RBFOX2: variants seen among roughly 807,000 people sequenced by gnomAD.
RBFOX2 encodes the protein RNA binding protein fox-1 homolog 2.
In RBFOX2, 10 loss-of-function variants were observed where a neutral mutation model predicts 49.1. The observed-to-expected ratio is 0.20, with a 90% CI of 0.13 to 0.35. The LOEUF (loss-of-function observed/expected upper bound fraction) is 0.35. Among genes scored for constraint, RBFOX2 ranks in the 10% least tolerant of loss-of-function variants. The pLI, the probability that RBFOX2 is intolerant of heterozygous loss-of-function variation, is 1.00. For synonymous variants in RBFOX2, 183 were observed against 187.4 expected, an observed-to-expected ratio of 0.98 and a Z score of 0.19; for missense variants, 323 against 486.9, an observed-to-expected ratio of 0.66 and a Z score of 3.17.
At chr22:35,987,382 T>G (rs2057768021) in intron 1 of RBFOX2, among the ~76,000 whole-genome samples, 1 of 152,198 alleles carries the variant, frequency 6.6e-6, no homozygotes, top group African/African-American at 2.4e-5. Context: ...AAGCAATTAC[T>G]ACCACAAACA....
intron 1 of RBFOX2, among the ~76,000 whole-genome samples, chr22:35,950,678 T>C (rs1003249829): frequency 2.0e-5 from 3 of 152,042 alleles, no homozygotes; most frequent in African/African-American, 7.2e-5. Context: ...ATTCTGAGAG[T>C]CAAAGTCATG....
chr22:35,854,401 A>G (rs1375035602), intron 1 of RBFOX2, among the ~76,000 whole-genome samples: 3 of 152,122 alleles, frequency 2.0e-5, no homozygotes, highest in Non-Finnish European at 4.4e-5. Context: ...CCTGGTCAAC[A>G]TATTAAGACC....
At chr22:35,985,391 A>C (rs540670892) in intron 1 of RBFOX2, among the ~76,000 whole-genome samples, 1 of 152,284 alleles carries the variant, frequency 6.6e-6, no homozygotes, top group South Asian at 2.1e-4. Context: ...CCAGAGGTAA[A>C]GAGTGAAGTG....
chr22:35,811,159 A>C (rs2148178270), intron 1 of RBFOX2, among the ~76,000 whole-genome samples: 2 of 150,746 alleles, frequency 1.3e-5, no homozygotes, highest in South Asian at 2.2e-4. Flanking sequence ...AAGGCAGAGA[A>C]TTGGGGGTGG....
At chr22:35,902,707 C>T (rs760764949) in intron 1 of RBFOX2, among the ~76,000 whole-genome samples, 5 of 151,694 alleles carry the variant, frequency 3.3e-5, no homozygotes, top group African/African-American at 7.3e-5. Flanking sequence ...TGCAGTGGTG[C>T]GATCATGGCT....
chr22:35,890,207 T>C (rs890716455), intron 1 of RBFOX2, among the ~76,000 whole-genome samples: 1 of 152,038 alleles, frequency 6.6e-6, no homozygotes, highest in Non-Finnish European at 1.5e-5. Context: ...TAACGAAGGG[T>C]GATGAAAACA....
At chr22:35,986,464 G>A (rs1304079236) in intron 1 of RBFOX2, among the ~76,000 whole-genome samples, 1 of 152,174 alleles carries the variant, frequency 6.6e-6, no homozygotes, top group Non-Finnish European at 1.5e-5. Context: ...GGAGGTGGGA[G>A]AAGGAAGAAA....
At chr22:36,004,174 C>T (rs962248029) in intron 1 of RBFOX2, among the ~76,000 whole-genome samples, 1 of 152,120 alleles carries the variant, frequency 6.6e-6, no homozygotes, top group African/African-American at 2.4e-5. Context: ...TGACTTTCTC[C>T]CAATTTGCCC....
intron 1 of RBFOX2, among the ~76,000 whole-genome samples, chr22:35,862,270 T>C (rs1332006965): frequency 6.6e-6 from 1 of 152,102 alleles, no homozygotes; most frequent in Non-Finnish European, 1.5e-5. Flanking sequence ...TAGGTGCAGT[T>C]CATTGTATAT....
chr22:35,829,663 AG>A (rs1956428726), intron 1 of RBFOX2, among the ~76,000 whole-genome samples: 1 of 152,186 alleles, frequency 6.6e-6, no homozygotes, highest in South Asian at 2.1e-4. Context: ...TGCGATGACA[AG>A]TTTTCAAAAG....
intron 1 of RBFOX2, among the ~76,000 whole-genome samples, chr22:36,010,485 C>T (rs974165727): frequency 1.3e-5 from 2 of 151,850 alleles, no homozygotes; most frequent in Non-Finnish European, 2.9e-5. Context: ...GAGTAGAGGT[C>T]GACATTCACC....
chr22:35,835,315 T>A (rs1274880162), intron 1 of RBFOX2, among the ~76,000 whole-genome samples: 1 of 152,174 alleles, frequency 6.6e-6, no homozygotes, highest in Admixed American at 6.5e-5. Flanking sequence ...GGGGGGGCTG[T>A]ATCACCTAGT....
intron 1 of RBFOX2, among the ~76,000 whole-genome samples, chr22:36,013,496 A>C (rs1232569062): frequency 1.3e-5 from 2 of 152,176 alleles, no homozygotes; most frequent in Non-Finnish European, 2.9e-5. Flanking sequence ...AGATAAGTTA[A>C]GTCACTTAAC....
intron 4 of RBFOX2, among the ~76,000 whole-genome samples, chr22:35,777,290 G>T (rs953411799): frequency 5.3e-5 from 8 of 152,176 alleles, no homozygotes; most frequent in African/African-American, 1.7e-4. Flanking sequence ...GGGATTACAG[G>T]CGTGAGCCAC....
chr22:35,809,680 G>A, intron 2 of RBFOX2, 100 bp downstream of exon 3: 2 of 1,296,946 alleles, frequency 1.5e-6, no homozygotes, highest in Non-Finnish European at 2.2e-6. Context: ...AGGTGTAAAT[G>A]CTAAATTAAT....
At chr22:35,877,393 G>T (rs892332052) in intron 1 of RBFOX2, among the ~76,000 whole-genome samples, 2 of 152,110 alleles carry the variant, frequency 1.3e-5, no homozygotes, top group African/African-American at 2.4e-5. Context: ...AGGGTAGAAA[G>T]GCAGACCTAA....
At chr22:35,792,329 A>G (rs1336420002) in intron 2 of RBFOX2, among the ~76,000 whole-genome samples, 3 of 139,166 alleles carry the variant, frequency 2.2e-5, no homozygotes, top group Non-Finnish European at 4.5e-5. Context: ...AAAAAAAAAA[A>G]AAAAAGAAAA....
At position 35,869,462 on chromosome 22, in the gene RBFOX2, G is replaced by A. The variant is rs550267707; in HGVS notation, c.-33-59458C>T. Among the ~76,000 whole-genome samples, 12 of 105,150 alleles carry A rather than the reference G, an allele frequency of 1.1e-4. 1 individual carries two copies. The South Asian group carries it at 2.0e-3, about 18-fold the overall frequency. 69.0% of individuals were successfully genotyped at this position (105,150 alleles called of 152,430 possible). ...GCATGAGCCACCACACCCAGCCAACGGCTGACCAAAAAAAAAAAAAAAAAA... is the reference window on the plus strand; with the variant it reads ...GCATGAGCCACCACACCCAGCCAACAGCTGACCAAAAAAAAAAAAAAAAAA... On this transcript the variant is annotated intron_variant, in intron 1 of 13. Transcript: ENST00000359369.
intron 9 of RBFOX2, 29 bp from the exon 12 acceptor site, chr22:35,746,590 A>T: frequency 5.6e-6 from 8 of 1,425,544 alleles, no homozygotes; most frequent in Non-Finnish European, 7.6e-6. Flanking sequence ...CTGACTTTAC[A>T]GATACCTCTC....
Sources: gnomAD v4.1 joint callset for allele counts (sites outside exome capture counted in the v4.1 genomes callset) on GRCh38, gnomAD v4.1.1 for gene constraint, MANE v1.5 for transcripts, NCBI Gene and HGNC (gene_info 2026-07-23, HGNC 2026-07-21) for gene names.